The following ANKS1B variants were observed in gnomAD, a reference collection of about 807,000 sequenced individuals.
The protein encoded by ANKS1B is ankyrin repeat and sterile alpha motif domain-containing protein 1B.
Under a neutral mutation model 148.3 loss-of-function variants are expected in ANKS1B, and 36 were observed. The ratio of observed to expected loss-of-function variants is 0.24; its 90% CI spans 0.19 to 0.32. The LOEUF is 0.32. ANKS1B is among the 10% of genes least tolerant of loss of function. ANKS1B has a pLI of 1.00. For synonymous variants in ANKS1B, 542 were observed against 560.8 expected, an observed-to-expected ratio of 0.97 and a Z score of 0.47; for missense variants, 1,157 against 1,542.6, an observed-to-expected ratio of 0.75 and a Z score of 4.19.
intron 14 of ANKS1B, among the ~76,000 whole-genome samples, chr12:99,230,253 A>G (rs2086622155): frequency 6.6e-6 from 1 of 152,114 alleles, no homozygotes; most frequent in Non-Finnish European, 1.5e-5. Context: ...ACCCAACAAA[A>G]TAAGTTTTCA....
At chr12:99,174,794 T>A (rs922955593) in intron 14 of ANKS1B, among the ~76,000 whole-genome samples, 11 of 152,300 alleles carry the variant, frequency 7.2e-5, no homozygotes, top group Middle Eastern at 3.4e-3. Context: ...TATAAAAAAA[T>A]TATATTTTCA....
Position 99,369,747 on chromosome 12 carries a change from A to AAGATAGATAGATAGAT in ANKS1B, c.1756+29868_1756+29883dup, listed in dbSNP as rs75456516. ...ATAGACAGATAGATAAATGGATAGA[A>AAGATAGATAGATAGAT]AGATAGATAGATAGATAGATAGATA... On this transcript the variant is annotated intron_variant, in intron 12 of 26. Transcript: ENST00000683438. Among the ~76,000 whole-genome samples, 698 of 143,394 alleles carry AAGATAGATAGATAGAT rather than the reference A, an allele frequency of 4.9e-3. 4 individuals are homozygous for AAGATAGATAGATAGAT. The highest frequency in any genetic ancestry group is 0.017 in the Middle Eastern group (5 of 288). 94.1% of individuals were successfully genotyped at this position (143,394 alleles called of 152,430 possible).
At chr12:99,177,215 A>G (rs1344405899) in intron 14 of ANKS1B, among the ~76,000 whole-genome samples, 1 of 152,134 alleles carries the variant, frequency 6.6e-6, no homozygotes, top group African/African-American at 2.4e-5. Context: ...CCATGCCCAT[A>G]CCTCTGTTCC....
chr12:99,055,835 T>A (rs1021818949), intron 16 of ANKS1B, among the ~76,000 whole-genome samples: 1 of 152,130 alleles, frequency 6.6e-6, no homozygotes, highest in African/African-American at 2.4e-5. Flanking sequence ...AGATGATATT[T>A]ATAAATAGTA....
intron 17 of ANKS1B, among the ~76,000 whole-genome samples, chr12:99,030,900 C>T (rs1026758707): frequency 3.9e-5 from 6 of 152,284 alleles, no homozygotes; most frequent in Admixed American, 1.3e-4. Context: ...ATGAACATGT[C>T]TCTAACTTCT....
intron 10 of ANKS1B, among the ~76,000 whole-genome samples, chr12:99,472,676 G>T (rs2152908520): frequency 6.6e-6 from 1 of 152,048 alleles, no homozygotes; most frequent in Admixed American, 6.6e-5. Flanking sequence ...AAAGCATTTG[G>T]GGATTTTTAA....
At chr12:99,109,757 A>C (rs2059926781) in intron 15 of ANKS1B, among the ~76,000 whole-genome samples, 1 of 152,210 alleles carries the variant, frequency 6.6e-6, no homozygotes, top group Non-Finnish European at 1.5e-5. Flanking sequence ...GTCTTTATGC[A>C]CTTACCCAAC....
At chr12:98,781,909 T>C (rs1325299015) in intron 23 of ANKS1B, among the ~76,000 whole-genome samples, 1 of 152,222 alleles carries the variant, frequency 6.6e-6, no homozygotes, top group African/African-American at 2.4e-5. Context: ...TACATTCCCT[T>C]AGGCCAAGTT....
At chr12:99,247,810 A>G (rs1328927456) in intron 12 of ANKS1B, among the ~76,000 whole-genome samples, 4 of 152,192 alleles carry the variant, frequency 2.6e-5, no homozygotes, top group East Asian at 3.8e-4. Flanking sequence ...ATTTTAATTC[A>G]TATCAATAGC....
intron 10 of ANKS1B, among the ~76,000 whole-genome samples, chr12:99,475,015 T>A (rs1334365851): frequency 1.3e-5 from 2 of 151,850 alleles, no homozygotes; most frequent in Non-Finnish European, 1.5e-5. Context: ...GGTGGGCAGA[T>A]AATTTTAGGT....
At chr12:98,968,789 G>A (rs1017085125) in intron 17 of ANKS1B, among the ~76,000 whole-genome samples, 6 of 152,030 alleles carry the variant, frequency 3.9e-5, no homozygotes, top group African/African-American at 1.4e-4. Context: ...TAGGAGGGAG[G>A]GAGGGAGGGT....
chr12:99,502,995 G>T (rs2096670594), intron 10 of ANKS1B, among the ~76,000 whole-genome samples: 1 of 152,186 alleles, frequency 6.6e-6, no homozygotes, highest in Non-Finnish European at 1.5e-5. Flanking sequence ...GCAGTGCAGT[G>T]GTGTGACCAC....
chr12:98,802,097 C>T lies in ANKS1B; in HGVS notation c.3142-972G>A, dbSNP rs114483494. On this transcript the variant is annotated intron_variant, in intron 20 of 26. Transcript: ENST00000683438. Reference sequence around the variant, plus strand: ...ACTCAGTTCTTTGTTCTCAAGTGGACATAACTAAAACTAAATAGGCAGATT... The same window carrying T: ...ACTCAGTTCTTTGTTCTCAAGTGGATATAACTAAAACTAAATAGGCAGATT... Among the ~76,000 whole-genome samples the T allele has an allele frequency of 7.0e-3, 1,073 of 152,246 alleles. 17 individuals are homozygous for T. Among genetic ancestry groups the T allele is most frequent in the African/African-American group, 0.025 (1,018 of 41,524 alleles).
intron 8 of ANKS1B, among the ~76,000 whole-genome samples, chr12:99,711,272 C>T (rs1164640244): frequency 2.6e-5 from 4 of 151,890 alleles, no homozygotes; most frequent in African/African-American, 7.3e-5. Flanking sequence ...TTAGTTTGTA[C>T]TGCACATCAC....
chr12:98,753,157 G>A (rs142889094), intron 25 of ANKS1B, among the ~76,000 whole-genome samples: 3 of 152,296 alleles, frequency 2.0e-5, no homozygotes, highest in Non-Finnish European at 2.9e-5. Context: ...CTTTTCTTCC[G>A]ACCTTCAATC....
At chr12:98,748,754 A>G (rs754554611) in intron 26 of ANKS1B, among the ~76,000 whole-genome samples, 1 of 152,030 alleles carries the variant, frequency 6.6e-6, no homozygotes, top group Non-Finnish European at 1.5e-5. Context: ...ATATTTTCCT[A>G]TTTCCCTTGA....
intron 10 of ANKS1B, among the ~76,000 whole-genome samples, chr12:99,496,724 T>G (rs547475355): frequency 5.7e-5 from 5 of 88,444 alleles, no homozygotes; most frequent in African/African-American, 2.2e-4. Flanking sequence ...CATCTGATAA[T>G]TTTTTTTTTC....
intron 12 of ANKS1B, among the ~76,000 whole-genome samples, chr12:99,294,789 G>A (rs923653322): frequency 6.6e-6 from 1 of 152,072 alleles, no homozygotes; most frequent in African/African-American, 2.4e-5. Flanking sequence ...AAGTAGCTGG[G>A]ACTACAGGCA....
intron 8 of ANKS1B, among the ~76,000 whole-genome samples, chr12:99,772,132 A>G (rs2063251916): frequency 6.6e-6 from 1 of 152,128 alleles, no homozygotes; most frequent in Non-Finnish European, 1.5e-5. Context: ...ATATCTTAAT[A>G]TTAAACTGAT....
Sources: gnomAD v4.1 joint callset for allele counts (sites outside exome capture counted in the v4.1 genomes callset) on GRCh38, gnomAD v4.1.1 for gene constraint, MANE v1.5 for transcripts, NCBI Gene and HGNC (gene_info 2026-07-23, HGNC 2026-07-21) for gene names.